The following SERGEF variants were observed in gnomAD, a reference collection of about 807,000 sequenced individuals.
SERGEF encodes the protein secretion-regulating guanine nucleotide exchange factor.
A neutral mutation model predicts 50.0 loss-of-function variants in SERGEF; 51 were observed. That is an observed-to-expected ratio of 1.02 (90% CI 0.81 to 1.29). The LOEUF (loss-of-function observed/expected upper bound fraction) is 1.29, where lower values mean the gene tolerates loss of function less well. Among genes scored for constraint, SERGEF ranks in the 50% most tolerant of loss-of-function variants. The pLI is 0.00. For missense variants in SERGEF, 521 were observed against 557.0 expected (o/e 0.94, Z 0.65); for synonymous variants, 205 against 212.4 (o/e 0.97, Z 0.30).
At chr11:17,803,768 G>A (rs1849711289) in intron 10 of SERGEF, among the ~76,000 whole-genome samples, 3 of 152,128 alleles carry the variant, frequency 2.0e-5, no homozygotes, top group African/African-American at 7.2e-5. Context: ...GTCCAATACA[G>A]GGGCACATGG....
intron 9 of SERGEF, among the ~76,000 whole-genome samples, chr11:17,916,669 A>G (rs894761373): frequency 1.3e-5 from 2 of 152,202 alleles, no homozygotes; most frequent in African/African-American, 2.4e-5. Context: ...CTGGCACATA[A>G]TAAGTACTCA....
At chr11:17,947,732 C>T (rs1250554287) in intron 9 of SERGEF, among the ~76,000 whole-genome samples, 3 of 152,286 alleles carry the variant, frequency 2.0e-5, no homozygotes, top group Non-Finnish European at 2.9e-5. Context: ...CTGGTATTTC[C>T]CAGCTTTGTC....
chr11:17,832,740 G>T (rs565090780), intron 10 of SERGEF, among the ~76,000 whole-genome samples: 17 of 152,338 alleles, frequency 1.1e-4, no homozygotes, highest in African/African-American at 3.4e-4. Context: ...TGAAGAATTT[G>T]TTGGGAACTG....
At chr11:17,841,439 C>T (rs1850500045) in intron 10 of SERGEF, among the ~76,000 whole-genome samples, 7 of 152,194 alleles carry the variant, frequency 4.6e-5, no homozygotes, top group Admixed American at 4.6e-4. Flanking sequence ...ATCATCAAGT[C>T]CTGCTAATTT....
At chr11:18,010,217 T>C in intron 1 of SERGEF, 1 of 559,024 alleles carries the variant, frequency 1.8e-6, no homozygotes, top group East Asian at 7.0e-5. Flanking sequence ...ACATAATCCT[T>C]CCCCTTGTAG....
chr11:17,896,580 GGGAAGGGGAAGGGAA>G (rs1851628482), intron 9 of SERGEF, among the ~76,000 whole-genome samples: 1 of 33,194 alleles, frequency 3.0e-5, no homozygotes, highest in Non-Finnish European at 5.7e-5. Flanking sequence ...GGGAAGGGAA[GGGAAGGGGAAGGGAA>G]GGGAAGGGGA....
At chr11:17,965,281 C>A (rs1853095151) in intron 8 of SERGEF, among the ~76,000 whole-genome samples, 1 of 152,162 alleles carries the variant, frequency 6.6e-6, no homozygotes, top group East Asian at 1.9e-4. Context: ...TGAAGGGGTG[C>A]CTTCTGTCAT....
intron 8 of SERGEF, among the ~76,000 whole-genome samples, chr11:17,972,852 A>C (rs1396881106): frequency 3.9e-5 from 6 of 152,106 alleles, no homozygotes; most frequent in Non-Finnish European, 7.4e-5. Flanking sequence ...TGGGAGGCCC[A>C]AGGGCTGGGT....
At chr11:18,012,533 G>A (rs1854217806) in intron 1 of SERGEF, 7 of 1,131,020 alleles carry the variant, frequency 6.2e-6, no homozygotes, top group Non-Finnish European at 7.6e-6. Flanking sequence ...GGCTGGGACA[G>A]GGTCTCCCTC....
intron 10 of SERGEF, among the ~76,000 whole-genome samples, chr11:17,828,570 A>C (rs1182316628): frequency 6.6e-6 from 1 of 152,178 alleles, no homozygotes; most frequent in African/African-American, 2.4e-5. Flanking sequence ...CCTTCTTTTA[A>C]GCTATTTTTT....
chr11:17,799,362 C>T (rs1849624807), intron 10 of SERGEF, among the ~76,000 whole-genome samples: 1 of 152,228 alleles, frequency 6.6e-6, no homozygotes, highest in Non-Finnish European at 1.5e-5. Flanking sequence ...AGGACTTGTT[C>T]TCCTATCTCT....
chr11:17,909,119 G>T (rs1008789919), intron 9 of SERGEF, among the ~76,000 whole-genome samples: 1 of 152,186 alleles, frequency 6.6e-6, no homozygotes, highest in South Asian at 2.1e-4. Context: ...AAAGAGGACC[G>T]GTTTTGGAGT....
intron 9 of SERGEF, among the ~76,000 whole-genome samples, chr11:17,885,896 G>C (rs529296008): frequency 6.6e-6 from 1 of 152,264 alleles, no homozygotes; most frequent in African/African-American, 2.4e-5. Flanking sequence ...GCCTTTAGGA[G>C]ATCTGCCTCC....
chr11:17,838,120 C>T (rs1365327273), intron 10 of SERGEF, among the ~76,000 whole-genome samples: 1 of 152,196 alleles, frequency 6.6e-6, no homozygotes, highest in Non-Finnish European at 1.5e-5. Context: ...AACATAACAA[C>T]ACGAAAGAGT....
At chr11:17,881,569 G>C (rs1678067788) in intron 9 of SERGEF, among the ~76,000 whole-genome samples, 1 of 152,216 alleles carries the variant, frequency 6.6e-6, no homozygotes, top group South Asian at 2.1e-4. Context: ...GCTGCAGGCA[G>C]CTTTCTAGAA....
At chr11:17,834,092 A>G (rs1590144137) in intron 10 of SERGEF, among the ~76,000 whole-genome samples, 1 of 152,252 alleles carries the variant, frequency 6.6e-6, no homozygotes, top group East Asian at 1.9e-4. Context: ...TCCCCATCCA[A>G]ATCTCATCTT....
At chr11:17,985,061 T>G (rs190198168) in intron 8 of SERGEF, among the ~76,000 whole-genome samples, 4 of 152,328 alleles carry the variant, frequency 2.6e-5, no homozygotes, top group South Asian at 4.2e-4. Flanking sequence ...GCCTACTGCA[T>G]GCAAGTAAAA....
chr11:17,987,013 T>C lies in SERGEF; in HGVS notation c.844+1584A>G, dbSNP rs149308691. Among the ~76,000 whole-genome samples, 1,119 of 152,372 alleles carry C rather than the reference T, an allele frequency of 7.3e-3. 12 individuals carry two copies. Among genetic ancestry groups the C allele is most frequent in the South Asian group, 0.037 (179 of 4,834 alleles). On this transcript the variant is annotated intron_variant, in intron 8 of 10. Coordinates refer to ENST00000265965, the MANE Select transcript of SERGEF (RefSeq NM_012139.4). ...TGGATGATAAAGTTTTCCATCTCTATATTCTTAGGCTTACACCTATCTACA... is the reference window on the plus strand; with the variant it reads ...TGGATGATAAAGTTTTCCATCTCTACATTCTTAGGCTTACACCTATCTACA...
chr11:17,988,476 C>A, intron 8 of SERGEF, 121 bp downstream of exon 8: 2 of 900,388 alleles, frequency 2.2e-6, no homozygotes, highest in Non-Finnish European at 3.3e-6. Context: ...ATCCCAGTAT[C>A]CCCATCTCTG....
Sources: gnomAD v4.1 joint callset for allele counts (sites outside exome capture counted in the v4.1 genomes callset) on GRCh38, gnomAD v4.1.1 for gene constraint, MANE v1.5 for transcripts, NCBI Gene and HGNC (gene_info 2026-07-23, HGNC 2026-07-21) for gene names.